Variants in CAST observed in about 807,000 individuals in gnomAD.
CAST encodes calpastatin.
CAST carries 76 observed loss-of-function variants against 119.6 expected under a neutral mutation model. The ratio of observed to expected loss-of-function variants is 0.64; its 90% confidence interval spans 0.53 to 0.77. The LOEUF is 0.77. Ranked by LOEUF, CAST falls within the 30% of genes least tolerant of loss-of-function variation. The pLI is 0.00. For synonymous variants in CAST, 319 were observed against 331.6 expected (o/e 0.96, Z 0.41); for missense variants, 953 against 946.5 (o/e 1.01, Z -0.09).
chr5:96,068,499 G>A, the CAST span, among the ~76,000 whole-genome samples: 34 of 151,752 alleles, frequency 2.2e-4, no homozygotes, highest in South Asian at 8.3e-4. Context: ...TCATGGAGCA[G>A]TTACTAAACA....
chr5:96,461,873 A>T, the CAST span, among the ~76,000 whole-genome samples: 4 of 152,132 alleles, frequency 2.6e-5, no homozygotes, highest in Non-Finnish European at 5.9e-5. Flanking sequence ...CCCAGCTTGA[A>T]GTAGATCAGT....
chr5:96,308,970 CAT>C, the CAST span: 1 of 152,352 alleles, frequency 6.6e-6, no homozygotes, highest in African/African-American at 2.4e-5. Context: ...TGTCCCTTAT[CAT>C]AGCTCGAACA....
chr5:96,033,621 C>T, the CAST span, among the ~76,000 whole-genome samples: 6 of 152,128 alleles, frequency 3.9e-5, no homozygotes, highest in South Asian at 1.0e-3. Context: ...ATTAGATCTG[C>T]ATCTCATACC....
At chr5:96,382,284 C>T in the CAST span, among the ~76,000 whole-genome samples, 3 of 152,146 alleles carry the variant, frequency 2.0e-5, no homozygotes, top group East Asian at 1.9e-4. Flanking sequence ...ATTAGCTATG[C>T]GACCTTGATC....
the CAST span, among the ~76,000 whole-genome samples, chr5:96,330,950 T>C: frequency 6.6e-6 from 1 of 152,012 alleles, no homozygotes; most frequent in Admixed American, 6.6e-5. Flanking sequence ...GTCACTTGGA[T>C]CCATGCCACT....
the CAST span, among the ~76,000 whole-genome samples, chr5:96,304,360 G>A: frequency 2.0e-5 from 3 of 152,208 alleles, no homozygotes; most frequent in African/African-American, 7.2e-5. Flanking sequence ...CCCTTTGTCA[G>A]ATGGACAGAT....
At chr5:96,168,915 T>C in the CAST span, among the ~76,000 whole-genome samples, 2 of 152,098 alleles carry the variant, frequency 1.3e-5, no homozygotes, top group Non-Finnish European at 2.9e-5. Flanking sequence ...AGAGAGTTAA[T>C]TGAGCATAGT....
At chr5:96,466,128 C>A in the CAST span, among the ~76,000 whole-genome samples, 1 of 152,068 alleles carries the variant, frequency 6.6e-6, no homozygotes, top group African/African-American at 2.4e-5. Context: ...ACGCATGTAA[C>A]AGTGAAAAAT....
chr5:96,408,234 G>C, the CAST span: 2 of 1,613,088 alleles, frequency 1.2e-6, no homozygotes, highest in Non-Finnish European at 8.5e-7. Flanking sequence ...TTGCTTCCAG[G>C]GCCAGAGCGA....
the CAST span, among the ~76,000 whole-genome samples, chr5:96,418,676 TG>T: frequency 6.6e-6 from 1 of 152,318 alleles, no homozygotes; most frequent in South Asian, 2.1e-4. Flanking sequence ...CAAGACAAAA[TG>T]GAGCCATTCA....
At chr5:96,302,226 G>A in the CAST span, among the ~76,000 whole-genome samples, 12 of 152,154 alleles carry the variant, frequency 7.9e-5, no homozygotes, top group African/African-American at 2.9e-4. Flanking sequence ...TGGAGCAGCT[G>A]GGACACAGGG....
In CAST at chr5:96,542,308, C is replaced by CAAAAAAAAAAAAAAA. The variant is rs759173589; in HGVS notation, c.60+12429_60+12443dup. On this transcript the variant is annotated intron_variant, in intron 1 of 11. Transcript: ENST00000505143. ...CCTGGGCGACAGCAAGACTTAGTCT[C>CAAAAAAAAAAAAAAA]AAAAAAAAAAAAAAAGACAAAACTA... Among the ~76,000 whole-genome samples the CAAAAAAAAAAAAAAA allele has an allele frequency of 4.3e-3, 160 of 37,014 alleles. 1 individual carries two copies. Among genetic ancestry groups the CAAAAAAAAAAAAAAA allele is most frequent in the African/African-American group, 0.012 (156 of 12,786 alleles). The allele number at this position is 37,014 out of a possible 152,430, so 24.3% of individuals were successfully genotyped here.
chr5:96,230,618 G>A, the CAST span, among the ~76,000 whole-genome samples: 130 of 152,104 alleles, frequency 8.5e-4, no homozygotes, highest in South Asian at 5.2e-3. Context: ...CTCCAAAAAC[G>A]TAAGCAATGA....
At chr5:96,483,215 T>C in the CAST span, among the ~76,000 whole-genome samples, 1 of 152,164 alleles carries the variant, frequency 6.6e-6, no homozygotes, top group African/African-American at 2.4e-5. Flanking sequence ...GGGCAAAGGC[T>C]ATGAGAAACT....
At chr5:96,002,312 T>C in the CAST span, among the ~76,000 whole-genome samples, 1 of 152,198 alleles carries the variant, frequency 6.6e-6, no homozygotes, top group Non-Finnish European at 1.5e-5. Context: ...GAATTAGCTT[T>C]AGAATAACAG....
the CAST span, among the ~76,000 whole-genome samples, chr5:96,395,259 CTATG>C: frequency 6.6e-6 from 1 of 152,298 alleles, no homozygotes; most frequent in East Asian, 1.9e-4. Context: ...TCAGAAATCT[CTATG>C]TAAGTCTTCT....
intron 29 of CAST, chr5:96,770,244 G>A: frequency 2.6e-6 from 1 of 377,494 alleles, no homozygotes; most frequent in Middle Eastern, 7.8e-4. Context: ...CTATTGACAA[G>A]CTCTGTTTTG....
chr5:96,642,907 G>T (rs2150203639), intron 1 of CAST, among the ~76,000 whole-genome samples: 1 of 152,194 alleles, frequency 6.6e-6, no homozygotes, highest in East Asian at 1.9e-4. Context: ...GCATCTATTT[G>T]CTCATTTTAT....
At chr5:96,354,565 GTA>G in the CAST span, among the ~76,000 whole-genome samples, 4 of 151,668 alleles carry the variant, frequency 2.6e-5, no homozygotes, top group Non-Finnish European at 5.9e-5. Flanking sequence ...AAAAAAAAAT[GTA>G]TGTCTCAGGA....
Sources: allele counts gnomAD v4.1 joint callset (sites outside exome capture counted in the v4.1 genomes callset), GRCh38; gene constraint gnomAD v4.1.1; transcripts MANE v1.5; gene names NCBI Gene and HGNC (gene_info 2026-07-23, HGNC 2026-07-21).